NSMCE2: variants seen among roughly 807,000 people sequenced by gnomAD.
NSMCE2 encodes NSE2 SUMO ligase component of SMC5/6 complex.
Under a neutral mutation model 23.8 loss-of-function variants are expected in NSMCE2, and 24 were observed. The observed-to-expected ratio is 1.01, with a 90% CI of 0.73 to 1.42. NSMCE2 has a LOEUF of 1.42. Ranked by LOEUF, NSMCE2 falls within the 40% of genes most tolerant of loss-of-function variation. NSMCE2 has a pLI of 0.00. For synonymous variants in NSMCE2, 92 were observed against 94.1 expected (o/e 0.98, Z 0.13); for missense variants, 284 against 296.5 (o/e 0.96, Z 0.31).
intron 5 of NSMCE2, among the ~76,000 whole-genome samples, chr8:125,343,853 A>T (rs1468650356): frequency 3.3e-5 from 5 of 151,638 alleles, no homozygotes; most frequent in African/African-American, 4.8e-5. Context: ...AAAATAAAAA[A>T]AAATTAGCTG....
chr8:125,332,975 C>T (rs531043316), intron 5 of NSMCE2, among the ~76,000 whole-genome samples: 5 of 152,104 alleles, frequency 3.3e-5, no homozygotes, highest in Non-Finnish European at 5.9e-5. Context: ...AGTTTTGGAA[C>T]TTGGAAGAGA....
rs1018542298 is a variant in NSMCE2 at position 125,326,399 on chromosome 8, ATG to A, written c.419-30808_419-30807del. ...TTGAGTAAAAATAGGCATTATATAT[ATG>A]TGTGTGTGTGTATTTGTAGATATGT... On this transcript the variant is annotated intron_variant, in intron 5 of 7. Transcript: ENST00000287437. Among the ~76,000 whole-genome samples the A allele has an allele frequency of 2.2e-4, 34 of 152,016 alleles. 1 individual carries two copies. Among genetic ancestry groups the A allele is most frequent in the African/African-American group, 5.3e-4 (22 of 41,452 alleles).
At chr8:125,333,594 A>C (rs1829963467) in intron 5 of NSMCE2, among the ~76,000 whole-genome samples, 1 of 127,112 alleles carries the variant, frequency 7.9e-6, no homozygotes, top group Non-Finnish European at 1.6e-5. Context: ...GGCTCACTGC[A>C]AGCTCCGCCT....
In NSMCE2 at chr8:125,149,832, G is replaced by T. The variant is rs1820897767; in HGVS notation, c.158-1339G>T. Among the ~76,000 whole-genome samples the T allele has an allele frequency of 2.6e-5, 4 of 152,096 alleles. No homozygotes were observed. In the South Asian group the frequency reaches 8.3e-4, roughly 31 times the overall value. On this transcript the variant is annotated intron_variant, in intron 3 of 7. Coordinates refer to ENST00000287437, the MANE Select transcript of NSMCE2 (RefSeq NM_173685.4). Reference sequence around the variant, plus strand: ...GTGGCTTGTTTTCTTGTGTATTATAGGTATGTAAGGTTTTTTTGTTTGTTT... The same window carrying T: ...GTGGCTTGTTTTCTTGTGTATTATATGTATGTAAGGTTTTTTTGTTTGTTT...
intron 3 of NSMCE2, among the ~76,000 whole-genome samples, chr8:125,126,605 C>G (rs1277449566): frequency 2.0e-5 from 3 of 152,126 alleles, no homozygotes; most frequent in African/African-American, 7.2e-5. Context: ...CTGCTGGATT[C>G]CTTCTTTCCC....
At chr8:125,099,238 A>G (rs1818073545) in intron 1 of NSMCE2, among the ~76,000 whole-genome samples, 3 of 152,162 alleles carry the variant, frequency 2.0e-5, no homozygotes, top group African/African-American at 7.2e-5. Flanking sequence ...ATAAAGCAGA[A>G]GCAGAAGGGT....
At chr8:125,336,862 T>C (rs1334503989) in intron 5 of NSMCE2, among the ~76,000 whole-genome samples, 2 of 152,240 alleles carry the variant, frequency 1.3e-5, no homozygotes, top group Admixed American at 1.3e-4. Flanking sequence ...TTTCACATTT[T>C]TAAACTGATC....
At chr8:125,363,835 A>G (rs1563807694) in intron 7 of NSMCE2, among the ~76,000 whole-genome samples, 1 of 152,216 alleles carries the variant, frequency 6.6e-6, no homozygotes. Flanking sequence ...AATCATCAAA[A>G]TGATGCATAC....
At chr8:125,258,808 G>C (rs1008505530) in intron 5 of NSMCE2, among the ~76,000 whole-genome samples, 1 of 152,182 alleles carries the variant, frequency 6.6e-6, no homozygotes, top group Non-Finnish European at 1.5e-5. Context: ...GGAAAGACTT[G>C]GTTGGAAGCT....
intron 5 of NSMCE2, among the ~76,000 whole-genome samples, chr8:125,288,725 A>T (rs1372209574): frequency 2.0e-5 from 3 of 152,152 alleles, no homozygotes; most frequent in Non-Finnish European, 4.4e-5. Flanking sequence ...GATACTGTGT[A>T]CCTGTGTTCC....
At chr8:125,164,147 A>G (rs111391574) in intron 4 of NSMCE2, among the ~76,000 whole-genome samples, 34 of 152,324 alleles carry the variant, frequency 2.2e-4, no homozygotes, top group Admixed American at 1.0e-3. Flanking sequence ...TGAAACCAAC[A>G]TTCTTTCCCT....
At chr8:125,158,147 G>T (rs1821420969) in intron 4 of NSMCE2, among the ~76,000 whole-genome samples, 1 of 152,168 alleles carries the variant, frequency 6.6e-6, no homozygotes, top group Non-Finnish European at 1.5e-5. Context: ...TGTGAGATAG[G>T]TCCAGCACTT....
intron 5 of NSMCE2, among the ~76,000 whole-genome samples, chr8:125,288,236 C>T (rs1051597557): frequency 6.6e-6 from 1 of 152,194 alleles, no homozygotes; most frequent in Admixed American, 6.5e-5. Flanking sequence ...TATGCTACTG[C>T]GTGAGCTCCC....
intron 5 of NSMCE2, among the ~76,000 whole-genome samples, chr8:125,210,060 C>G (rs1406667527): frequency 6.6e-6 from 1 of 152,176 alleles, no homozygotes; most frequent in Non-Finnish European, 1.5e-5. Flanking sequence ...TCTAGATCCA[C>G]GTGTTCTAAG....
intron 5 of NSMCE2, among the ~76,000 whole-genome samples, chr8:125,215,221 G>T (rs1215179358): frequency 7.3e-6 from 1 of 137,780 alleles, no homozygotes; most frequent in East Asian, 2.1e-4. Context: ...TCCCCAGAGT[G>T]TGATGTTCCC....
intron 5 of NSMCE2, among the ~76,000 whole-genome samples, chr8:125,338,177 AGGAACTTTCAGTCATTCTG>A (rs1288506021): frequency 1.9e-4 from 29 of 152,234 alleles, no homozygotes; most frequent in Non-Finnish European, 5.9e-5. Context: ...TGGCAGAGCC[AGGAACTTTCAGTCATTCTG>A]GTGCCCTTTC....
chr8:125,107,355 G>A (rs536000656), intron 3 of NSMCE2, among the ~76,000 whole-genome samples: 7 of 151,876 alleles, frequency 4.6e-5, no homozygotes, highest in South Asian at 2.1e-4. Context: ...CACCATGCCC[G>A]GCTAATTTTT....
At chr8:125,130,304 A>G (rs892684731) in intron 3 of NSMCE2, 12 of 455,724 alleles carry the variant, frequency 2.6e-5, no homozygotes, top group Admixed American at 9.4e-5. Context: ...AGTAATGTCA[A>G]CCTTGATCAC....
intron 5 of NSMCE2, among the ~76,000 whole-genome samples, chr8:125,329,557 T>C (rs950862082): frequency 5.9e-5 from 9 of 152,226 alleles, no homozygotes; most frequent in Admixed American, 5.9e-4. Context: ...ACAACCTCAT[T>C]GCCAGCAGAT....
Sources: gnomAD v4.1 joint callset for allele counts (sites outside exome capture counted in the v4.1 genomes callset) on GRCh38, gnomAD v4.1.1 for gene constraint, MANE v1.5 for transcripts, NCBI Gene and HGNC (gene_info 2026-07-23, HGNC 2026-07-21) for gene names.